FBLN1: variants seen among roughly 807,000 people sequenced by gnomAD.
FBLN1 encodes the protein fibulin 1, also known as fibulin-1.
In FBLN1, 34 loss-of-function variants were observed where a neutral mutation model predicts 89.7. The observed-to-expected ratio is 0.38, with a 90% CI of 0.29 to 0.50. The LOEUF is 0.50. FBLN1 is among the 20% of genes least tolerant of loss of function. The probability of loss-of-function intolerance (pLI) is 0.92; values close to 1 mark genes in which losing one functional copy is unlikely to be tolerated. For synonymous variants in FBLN1, 393 were observed against 391.3 expected (o/e 1.00, Z -0.05); for missense variants, 777 against 988.1 (o/e 0.79, Z 2.86).
rs140289160 is a variant in FBLN1 at position 45,521,443 on chromosome 22, A to G, written c.185+2656A>G. 2.0e-3 allele frequency among the ~76,000 whole-genome samples: 311 copies of G among 152,332 alleles called. 2 individuals carry two copies. Among genetic ancestry groups the G allele is most frequent in the African/African-American group, 7.2e-3 (299 of 41,588 alleles). On this transcript the variant is annotated intron_variant, in intron 2 of 16. Coordinates refer to ENST00000327858, the MANE Select transcript of FBLN1 (RefSeq NM_006486.3). ...AGTGGACACACAGGCCAGGGGCCACATACCTGTCCTAGGCTGCCTCTCAAG... is the reference window on the plus strand; with the variant it reads ...AGTGGACACACAGGCCAGGGGCCACGTACCTGTCCTAGGCTGCCTCTCAAG...
chr22:45,560,921 G>T (rs1407201929), intron 14 of FBLN1, among the ~76,000 whole-genome samples: 1 of 152,120 alleles, frequency 6.6e-6, no homozygotes, highest in Non-Finnish European at 1.5e-5. Flanking sequence ...CATCACTGTT[G>T]CCTCAGGCAG....
At chr22:45,584,039 G>A (rs1232189674) in intron 16 of FBLN1, among the ~76,000 whole-genome samples, 1 of 152,198 alleles carries the variant, frequency 6.6e-6, no homozygotes, top group Non-Finnish European at 1.5e-5. Flanking sequence ...GCCCCCAGGA[G>A]GTGGTGGTAT....
intron 1 of FBLN1, chr22:45,517,717 C>G (rs1472404751): frequency 4.5e-6 from 2 of 440,248 alleles, no homozygotes; most frequent in Non-Finnish European, 4.7e-6. Context: ...AGGGCAGAAA[C>G]CATCACCAGC....
rs2089044549 is a variant in FBLN1, at chr22:45,581,844, G to A, written c.1972+4736G>A. Among the ~76,000 whole-genome samples, 1 of 152,142 alleles carries A rather than the reference G, an allele frequency of 6.6e-6. No individual in the cohort carries two copies. The highest frequency in any genetic ancestry group is 1.5e-5 in the Non-Finnish European group (1 of 68,036). The stretch of plus-strand genomic sequence containing the variant: ...GCGATGAGAGGCAGGGAGCCAGGAA[G>A]GGAGGGCACAGCCTGCGGTTTGGGG... On this transcript the variant is annotated intron_variant, in intron 16 of 16. Transcript: ENST00000327858. The surrounding 1 kb of genome is among the most constrained non-coding windows in gnomAD (Gnocchi z 7.6).
intron 9 of FBLN1, 94 bp from the exon 10 acceptor site, chr22:45,542,061 C>A: frequency 1.3e-6 from 2 of 1,571,478 alleles, no homozygotes; most frequent in South Asian, 1.1e-5. Context: ...TTTCCATGTC[C>A]ATGTGTTCCT....
intron 2 of FBLN1, among the ~76,000 whole-genome samples, chr22:45,519,762 T>C (rs1230976783): frequency 5.9e-5 from 9 of 152,176 alleles, no homozygotes; most frequent in Admixed American, 5.9e-4. Context: ...GCAGCCAGTC[T>C]GGCCCCGGGA....
rs540738983 is a variant in FBLN1, at chr22:45,574,781, T to C, written c.1840+128T>C. 1,584 of 640,664 alleles carry C rather than the reference T, an allele frequency of 2.5e-3. 4 individuals carry two copies. Among genetic ancestry groups the C allele is most frequent in the Admixed American group, 3.2e-3 (90 of 28,536 alleles). 39.7% of individuals were successfully genotyped at this position (640,664 alleles called of 1,614,324 possible). On this transcript the variant is annotated intron_variant, in intron 15 of 16. Coordinates refer to ENST00000327858, the MANE Select transcript of FBLN1 (RefSeq NM_006486.3). The surrounding 1 kb of genome is among the most constrained non-coding windows in gnomAD (Gnocchi z 4.1). ...GGCTTTGAAATGCAGAACTTTCTTT[T>C]TTTTTTTTTTTTTTTTTTGAGACGG...
chr22:45,523,319 G>C, intron 2 of FBLN1: 2 of 568,756 alleles, frequency 3.5e-6, no homozygotes, highest in South Asian at 4.7e-5. Context: ...TGAGATAGAG[G>C]CTGGGGTGTT....
chr22:45,554,836 G>A (rs769710685), intron 14 of FBLN1, among the ~76,000 whole-genome samples: 4 of 152,198 alleles, frequency 2.6e-5, no homozygotes, highest in African/African-American at 7.2e-5. Flanking sequence ...CACAGGAGAC[G>A]ACCCCTGTCC....
rs371585518 is a variant in FBLN1, at chr22:45,528,035, T to C, written c.484+26T>C. ...GTAACTTTCCCCCTTCCTTCCCTAA[T>C]GAGCAGTGTATTAAGGTTCTCCGGG... On this transcript the variant is annotated intron_variant, in intron 4 of 16. Coordinates refer to ENST00000327858, the MANE Select transcript of FBLN1 (RefSeq NM_006486.3). The C allele has an allele frequency of 1.6e-5, 25 of 1,612,850 alleles. No individual in the cohort carries two copies. The African/African-American group carries it at 3.1e-4, about 20-fold the overall frequency.
rs547485202 is a variant in FBLN1, at chr22:45,574,338, A to G, written c.1698-173A>G. Among the ~76,000 whole-genome samples the G allele has an allele frequency of 4.6e-4, 70 of 152,298 alleles. No individual in the cohort carries two copies. In the South Asian group the frequency reaches 6.8e-3, roughly 15 times the overall value. ...GTCCAGTTTGCAGGAAGGGCCATGA[A>G]GCCTCCCCACAGAGCAGCCAGGCTG... On this transcript the variant is annotated intron_variant, in intron 14 of 16. Transcript: ENST00000327858. This position sits in a 1 kb window ranked among gnomAD's most constrained non-coding sequence, Gnocchi z 4.1.
At chr22:45,586,505 C>A (rs540584702) in intron 16 of FBLN1, among the ~76,000 whole-genome samples, 14 of 152,368 alleles carry the variant, frequency 9.2e-5, no homozygotes, top group African/African-American at 3.1e-4. Context: ...CCGTCATGGT[C>A]CCAGCGGGAG....
chr22:45,592,168 G>A (rs763833826), intron 16 of FBLN1, among the ~76,000 whole-genome samples: 2 of 152,146 alleles, frequency 1.3e-5, no homozygotes, highest in African/African-American at 4.8e-5. Context: ...GAAGGAGGGC[G>A]ACCGTGTCTC....
In FBLN1 at chr22:45,583,208, T is replaced by G. The variant is rs1421581358; in HGVS notation, c.1972+6100T>G. 6.6e-6 allele frequency among the ~76,000 whole-genome samples: 1 copy of G among 152,196 alleles called. No individual in the cohort carries two copies. Among genetic ancestry groups the G allele is most frequent in the African/African-American group, 2.4e-5 (1 of 41,454 alleles). Reference sequence around the variant, plus strand: ...CAAGCAGGTCCTTTAGTCAGCTCTCTGTTGTCCCCCAAGCCCCTCAGCCCC... The same window carrying G: ...CAAGCAGGTCCTTTAGTCAGCTCTCGGTTGTCCCCCAAGCCCCTCAGCCCC... On this transcript the variant is annotated intron_variant, in intron 16 of 16. Transcript: ENST00000327858. This position sits in a 1 kb window ranked among gnomAD's most constrained non-coding sequence, Gnocchi z 4.5.
intron 11 of FBLN1, among the ~76,000 whole-genome samples, chr22:45,546,749 G>A (rs1239240381): frequency 6.6e-6 from 1 of 152,084 alleles, no homozygotes; most frequent in Admixed American, 6.5e-5. Context: ...CATCTTGGAG[G>A]TGAAGTGGAG....
intron 14 of FBLN1, among the ~76,000 whole-genome samples, chr22:45,566,538 C>T (rs2088903049): frequency 6.6e-6 from 1 of 152,178 alleles, no homozygotes; most frequent in Non-Finnish European, 1.5e-5. Flanking sequence ...TCCTTCTTGC[C>T]ATTTACTAGT....
chr22:45,567,232 A>C (rs1208785492), intron 14 of FBLN1, among the ~76,000 whole-genome samples: 1 of 152,242 alleles, frequency 6.6e-6, no homozygotes, highest in Non-Finnish European at 1.5e-5. Flanking sequence ...CCGCTCTGCC[A>C]TTCCCAAACT....
rs890241625 is a variant in FBLN1 at position 45,530,883 on chromosome 22, C to A, written c.485-382C>A. On this transcript the variant is annotated intron_variant, in intron 4 of 16. Coordinates refer to ENST00000327858, the MANE Select transcript of FBLN1 (RefSeq NM_006486.3). This position sits in a 1 kb window ranked among gnomAD's most constrained non-coding sequence, Gnocchi z 5.4. ...AGTTCAAGCGATTATCCTGCCTCAA[C>A]TTCCTGAGTACCTGAGATTACAGGT... 6.6e-6 allele frequency among the ~76,000 whole-genome samples: 1 copy of A among 152,144 alleles called. No homozygotes were observed. Among genetic ancestry groups the A allele is most frequent in the African/African-American group, 2.4e-5 (1 of 41,422 alleles).
intron 1 of FBLN1, among the ~76,000 whole-genome samples, chr22:45,505,143 C>T (rs1400559620): frequency 6.6e-6 from 1 of 152,238 alleles, no homozygotes; most frequent in East Asian, 1.9e-4. Flanking sequence ...AGCCGCCTGT[C>T]TGTCCTGTGT....
Sources: gnomAD v4.1 joint callset for allele counts (sites outside exome capture counted in the v4.1 genomes callset) on GRCh38, gnomAD v4.1.1 for gene constraint, Gnocchi (gnomAD v3.1) non-coding constraint, MANE v1.5 for transcripts, NCBI Gene and HGNC (gene_info 2026-07-23, HGNC 2026-07-21) for gene names.